Variants in SURF4 observed in about 807,000 individuals in gnomAD.
The protein encoded by SURF4 is surfeit 4, also known as surfeit locus protein 4.
In SURF4, 3 loss-of-function variants were observed where a neutral mutation model predicts 30.0. The ratio of observed to expected loss-of-function variants is 0.10; its 90% CI spans 0.05 to 0.26. The LOEUF (loss-of-function observed/expected upper bound fraction) is 0.26, where lower values mean the gene tolerates loss of function less well. SURF4 is among the 10% of genes least tolerant of loss of function. SURF4 has a pLI of 1.00. For missense variants in SURF4, 217 were observed against 350.8 expected, an observed-to-expected ratio of 0.62 and a Z score of 3.05; for synonymous variants, 143 against 139.9, an observed-to-expected ratio of 1.02 and a Z score of -0.16.
rs1160769756 is a variant in SURF4 at position 133,363,342 on chromosome 9, C to G, written c.*151G>C. 3 of 1,257,558 alleles carry G rather than the reference C, an allele frequency of 2.4e-6. No individual in the cohort carries two copies. The highest frequency in any genetic ancestry group is 3.4e-6 in the Non-Finnish European group (3 of 878,154). The allele number at this position is 1,257,558 out of a possible 1,614,324, so 77.9% of individuals were successfully genotyped here. A position where few individuals can be genotyped will look rare whatever the true frequency, so the allele number is the denominator to read the frequency against. On this transcript the variant is annotated 3_prime_UTR_variant, in exon 6 of 6. Coordinates refer to ENST00000371989, the MANE Select transcript of SURF4 (RefSeq NM_033161.4). This position sits in a 1 kb window ranked among gnomAD's most constrained non-coding sequence, Gnocchi z 4.3. Reference sequence around the variant, plus strand: ...GACTGAGCCATCGATTCTCAGGTGTCTCTGCAAATAAAGTTCTCAAAACAT... The same window carrying G: ...GACTGAGCCATCGATTCTCAGGTGTGTCTGCAAATAAAGTTCTCAAAACAT...
intron 1 of SURF4, among the ~76,000 whole-genome samples, chr9:133,372,972 C>T (rs915936736): frequency 2.0e-5 from 3 of 152,222 alleles, no homozygotes; most frequent in South Asian, 2.1e-4. Flanking sequence ...ACCACCTAGA[C>T]GGACTCTTAA....
chr9:133,371,578 G>A (rs1837510801), intron 1 of SURF4, among the ~76,000 whole-genome samples: 1 of 152,226 alleles, frequency 6.6e-6, no homozygotes, highest in African/African-American at 2.4e-5. Flanking sequence ...AACCTCCTCT[G>A]CTCCTCGCCC....
chr9:133,364,730 C>T lies in SURF4; in HGVS notation c.543+110G>A. ...AAAAGTTTGCTCCATTTCAGCAGCT[C>T]CCCCAGGCTGTGGTTAATACCCAAC... On this transcript the variant is annotated intron_variant, in intron 5 of 5. Transcript: ENST00000371989. The T allele has an allele frequency of 3.8e-6, 4 of 1,050,494 alleles. No homozygotes were observed. In the South Asian group the frequency reaches 6.2e-5, roughly 16 times the overall value. 65.1% of individuals were successfully genotyped at this position (1,050,494 alleles called of 1,614,324 possible).
chr9:133,375,259 A>C (rs2130234636), intron 1 of SURF4: 1 of 985,440 alleles, frequency 1.0e-6, no homozygotes, highest in Non-Finnish European at 1.2e-6. Flanking sequence ...CTGGAAGGAG[A>C]CTATCAGGGA....
chr9:133,374,466 C>A (rs2130224413), intron 1 of SURF4, among the ~76,000 whole-genome samples: 6 of 151,950 alleles, frequency 3.9e-5, no homozygotes, highest in African/African-American at 1.2e-4. Flanking sequence ...GAGGCTGAGG[C>A]AGGAGAATCG....
rs2130085984 is a variant in SURF4, at chr9:133,363,430, T to G, written c.*63A>C. On this transcript the variant is annotated 3_prime_UTR_variant, in exon 6 of 6. Transcript: ENST00000371989. This position sits in a 1 kb window ranked among gnomAD's most constrained non-coding sequence, Gnocchi z 4.3. ...CATAAAAGCTGGCAGTTTTGTTGAA[T>G]CCACCCCGAACCAGTCCTTGACGGC... 6.2e-7 allele frequency: 1 copy of G among 1,613,908 alleles called. No individual in the cohort carries two copies.
chr9:133,364,780 G>A (rs2130108678), intron 5 of SURF4, 60 bp downstream of exon 5: 1 of 1,565,294 alleles, frequency 6.4e-7, no homozygotes, highest in Non-Finnish European at 8.7e-7. Context: ...CAGGGAGGGG[G>A]TGGGGGAGGG....
chr9:133,376,615 C>T (rs1246511311), upstream of SURF4: 1 of 1,452,014 alleles, frequency 6.9e-7, no homozygotes, highest in African/African-American at 1.5e-5. Context: ...CGGTCGCAAC[C>T]CTGGAGCTAC....
In SURF4 at chr9:133,363,671, C is replaced by A; in HGVS notation, c.632G>T (p.Trp211Leu). 1 of 1,614,180 alleles carries A rather than the reference C, an allele frequency of 6.2e-7. No homozygotes were observed. Among genetic ancestry groups the A allele is most frequent in the Admixed American group, 1.7e-5 (1 of 60,024 alleles). Reference protein sequence around the residue: ...TKLAALTLVVWLFAINVYFNA... With the variant: ...TKLAALTLVVLLFAINVYFNA... ...GAAATATACGTTGATGGCAAAGAGCCACACAACAAGAGTCAAAGCAGCCAG... is the reference window on the plus strand; with the variant it reads ...GAAATATACGTTGATGGCAAAGAGCAACACAACAAGAGTCAAAGCAGCCAG... Residue 211 changes from tryptophan to leucine, a missense_variant, in exon 6 of 6, where the codon TGG becomes TTG. Coordinates refer to ENST00000371989, the MANE Select transcript of SURF4 (RefSeq NM_033161.4). The surrounding 1 kb of genome is among the most constrained non-coding windows in gnomAD (Gnocchi z 4.3).
chr9:133,374,726 G>T (rs2130228001), intron 1 of SURF4, among the ~76,000 whole-genome samples: 8,545 of 152,202 alleles, frequency 0.056, 332 homozygotes, highest in Non-Finnish European at 0.087. Flanking sequence ...CGATGGTGAG[G>T]TCACACTAGA....
At chr9:133,374,332 C>G (rs1394934883) in intron 1 of SURF4, among the ~76,000 whole-genome samples, 1 of 151,918 alleles carries the variant, frequency 6.6e-6, no homozygotes, top group African/African-American at 2.4e-5. Context: ...GTGGGCAGAC[C>G]ACCTGAGGTC....
chr9:133,376,398 G>T (rs1837945348), upstream of SURF4: 13 of 1,448,608 alleles, frequency 9.0e-6, no homozygotes, highest in Non-Finnish European at 1.2e-5. Flanking sequence ...GGGCGGGGAG[G>T]ATCCCGCGGG....
At chr9:133,365,416 T>C (rs186003010) in intron 4 of SURF4, among the ~76,000 whole-genome samples, 174 of 152,292 alleles carry the variant, frequency 1.1e-3, no homozygotes, top group African/African-American at 3.6e-3. Context: ...CAGTCTCTAC[T>C]ATTCTAGGGG....
chr9:133,375,110 C>CT, intron 1 of SURF4: 1 of 643,122 alleles, frequency 1.6e-6, no homozygotes, highest in Non-Finnish European at 1.9e-6. Flanking sequence ...CAAGCTTAAT[C>CT]AAGAAAGAGG....
chr9:133,376,382 C>T (rs2130247166), upstream of SURF4: 3 of 1,418,800 alleles, frequency 2.1e-6, no homozygotes, highest in South Asian at 2.8e-5. Context: ...CTCGAGGGCG[C>T]CGTTCGGGCG....
At chr9:133,372,393 A>G (rs1030398721) in intron 1 of SURF4, among the ~76,000 whole-genome samples, 18 of 152,262 alleles carry the variant, frequency 1.2e-4, no homozygotes, top group African/African-American at 4.3e-4. Context: ...ATGCGGACTC[A>G]GTCTCCAGGC....
chr9:133,364,354 A>G (rs1837029218), intron 5 of SURF4, among the ~76,000 whole-genome samples: 1 of 152,228 alleles, frequency 6.6e-6, no homozygotes, highest in African/African-American at 2.4e-5. Context: ...AAGGCTTGAC[A>G]CACAAGAGAT....
At chr9:133,372,437 C>T (rs1837559570) in intron 1 of SURF4, 1 of 247,722 alleles carries the variant, frequency 4.0e-6, no homozygotes, top group Non-Finnish European at 6.4e-6. Context: ...CAACCTCCCT[C>T]TGCCCATCTG....
intron 1 of SURF4, among the ~76,000 whole-genome samples, chr9:133,374,404 A>G (rs958003351): frequency 6.6e-6 from 1 of 151,446 alleles, no homozygotes; most frequent in Non-Finnish European, 1.5e-5. Context: ...AAAAAAAAAA[A>G]TACAAAATTG....
Sources: allele counts gnomAD v4.1 joint callset (sites outside exome capture counted in the v4.1 genomes callset), GRCh38; gene constraint gnomAD v4.1.1; non-coding constraint Gnocchi (gnomAD v3.1); transcripts MANE v1.5; gene names NCBI Gene and HGNC (gene_info 2026-07-23, HGNC 2026-07-21).